SATB1: variants seen among roughly 807,000 people sequenced by gnomAD.
The protein encoded by SATB1 is DNA-binding protein SATB1.
In SATB1, 11 loss-of-function variants were observed where a neutral mutation model predicts 86.9. That is an observed-to-expected ratio of 0.13 (90% CI 0.08 to 0.21). The LOEUF (loss-of-function observed/expected upper bound fraction) is 0.21. Among genes scored for constraint, SATB1 ranks in the 10% least tolerant of loss-of-function variants. The pLI is 1.00. For synonymous variants in SATB1, 357 were observed against 357.2 expected, an observed-to-expected ratio of 1.00 and a Z score of 0.01; for missense variants, 551 against 937.6, an observed-to-expected ratio of 0.59 and a Z score of 5.39.
intron 9 of SATB1, among the ~76,000 whole-genome samples, chr3:18,363,275 A>C (rs1212938286): frequency 6.6e-6 from 1 of 152,176 alleles, no homozygotes; most frequent in Non-Finnish European, 1.5e-5. Flanking sequence ...TTTGCTGATA[A>C]AGTGTCCAAA....
At chr3:18,415,307 G>T (rs1350321748) in intron 4 of SATB1, 73 bp from the exon 5 acceptor site, 6 of 1,560,638 alleles carry the variant, frequency 3.8e-6, no homozygotes, top group Non-Finnish European at 5.3e-6. Flanking sequence ...CTTTAAGACA[G>T]ACAGATTTCA....
intron 9 of SATB1, among the ~76,000 whole-genome samples, chr3:18,370,555 A>G (rs1695429638): frequency 6.8e-6 from 1 of 147,316 alleles, no homozygotes; most frequent in Admixed American, 6.7e-5. Context: ...ACAAAAAAGA[A>G]AAAAGAAAAA....
chr3:18,445,495 G>A, intron 1 of SATB1: 1 of 985,374 alleles, frequency 1.0e-6, no homozygotes, highest in Non-Finnish European at 1.2e-6. Flanking sequence ...GGTTCTCGTC[G>A]CCCGCCAACC....
intron 5 of SATB1, among the ~76,000 whole-genome samples, chr3:18,413,983 A>G (rs1258987955): frequency 6.6e-6 from 1 of 152,102 alleles, no homozygotes; most frequent in Admixed American, 6.6e-5. Flanking sequence ...AATAATCTTC[A>G]TAAGCCTCAC....
At chr3:18,388,235 A>C (rs547768367) in intron 7 of SATB1, among the ~76,000 whole-genome samples, 4 of 152,268 alleles carry the variant, frequency 2.6e-5, no homozygotes, top group Non-Finnish European at 5.9e-5. Context: ...ACAGGCAGTC[A>C]ATCATCCAGC....
intron 7 of SATB1, among the ~76,000 whole-genome samples, chr3:18,387,597 T>A (rs534154474): frequency 2.6e-5 from 4 of 152,262 alleles, no homozygotes; most frequent in Non-Finnish European, 5.9e-5. Context: ...ATTGGAAAAT[T>A]TTCTGTTCAT....
intron 8 of SATB1, among the ~76,000 whole-genome samples, chr3:18,383,765 G>A (rs890657155): frequency 6.6e-6 from 1 of 152,054 alleles, no homozygotes; most frequent in African/African-American, 2.4e-5. Flanking sequence ...ACTAATTCAA[G>A]TGCTCTATAA....
chr3:18,374,501 G>A (rs1443245469), intron 9 of SATB1, among the ~76,000 whole-genome samples: 3 of 152,144 alleles, frequency 2.0e-5, no homozygotes, highest in Admixed American at 6.5e-5. Flanking sequence ...GTATTCATTT[G>A]TAGCTACTCA....
chr3:18,369,561 G>A (rs1695356576), intron 9 of SATB1, among the ~76,000 whole-genome samples: 1 of 152,070 alleles, frequency 6.6e-6, no homozygotes, highest in Non-Finnish European at 1.5e-5. Flanking sequence ...AGGGGGGCCT[G>A]AAATTTTAGT....
Position 18,386,129 on chromosome 3 carries a change from G to A in SATB1, c.1419+270C>T, listed in dbSNP as rs1696331151. On this transcript the variant is annotated intron_variant, in intron 8 of 10. Coordinates refer to ENST00000338745, the MANE Select transcript of SATB1 (RefSeq NM_002971.6). The surrounding 1 kb of genome is among the most constrained non-coding windows in gnomAD (Gnocchi z 4.5). ...TACTTTACTTAATAACAACAGTAGA[G>A]ACAAATATCCCATTTAAAGACTACT... is the stretch of plus-strand genomic sequence containing the variant. Among the ~76,000 whole-genome samples the A allele has an allele frequency of 1.3e-5, 2 of 152,010 alleles. No individual in the cohort carries two copies. Among genetic ancestry groups the A allele is most frequent in the East Asian group, 3.8e-4 (2 of 5,196 alleles).
At chr3:18,383,772 A>C (rs944869168) in intron 8 of SATB1, among the ~76,000 whole-genome samples, 3 of 152,192 alleles carry the variant, frequency 2.0e-5, no homozygotes, top group African/African-American at 7.2e-5. Context: ...CAAGTGCTCT[A>C]TAACGTGTTT....
At chr3:18,355,674 CA>C (rs1694596484) in intron 9 of SATB1, among the ~76,000 whole-genome samples, 1 of 151,730 alleles carries the variant, frequency 6.6e-6, no homozygotes, top group Non-Finnish European at 1.5e-5. Context: ...CAAAACAAAA[CA>C]AAACATAATT....
At chr3:18,361,298 G>T (rs1694895028) in intron 9 of SATB1, among the ~76,000 whole-genome samples, 1 of 152,048 alleles carries the variant, frequency 6.6e-6, no homozygotes, top group Admixed American at 6.6e-5. Flanking sequence ...ATAAAATGGG[G>T]TCTAATTTTA....
intron 9 of SATB1, among the ~76,000 whole-genome samples, chr3:18,367,040 T>A (rs1423674481): frequency 6.6e-6 from 1 of 152,162 alleles, no homozygotes; most frequent in Non-Finnish European, 1.5e-5. Context: ...AGATATAATA[T>A]GACCTAATCT....
chr3:18,394,816 G>T lies in SATB1; in HGVS notation c.852C>A (p.Ser284=). Residue 284 remains serine (S), a synonymous_variant, in exon 7 of 11, where the codon TCC becomes TCA. Coordinates refer to ENST00000338745, the MANE Select transcript of SATB1 (RefSeq NM_002971.6). The surrounding 1 kb of genome is among the most constrained non-coding windows in gnomAD (Gnocchi z 5.9). ...VPGNTAEQPP[S]PAQLSHGSQP... ...GGCTGCCATGGGAGAGCTGCGCAGGGGATGGAGGCTGCTCGGCTGTGTTCC... is the reference window on the plus strand; with the variant it reads ...GGCTGCCATGGGAGAGCTGCGCAGGTGATGGAGGCTGCTCGGCTGTGTTCC... 3 of 1,614,146 alleles carry T rather than the reference G, an allele frequency of 1.9e-6. No homozygotes were observed. The highest frequency in any genetic ancestry group is 2.5e-6 in the Non-Finnish European group (3 of 1,180,030).
chr3:18,419,704 A>G (rs1406711107), intron 2 of SATB1, among the ~76,000 whole-genome samples: 1 of 152,216 alleles, frequency 6.6e-6, no homozygotes, highest in Admixed American at 6.5e-5. Flanking sequence ...TAAGATGCAT[A>G]CATTCTTGGC....
intron 10 of SATB1, chr3:18,351,212 G>C: frequency 2.2e-6 from 2 of 905,316 alleles, no homozygotes; most frequent in Non-Finnish European, 3.5e-6. Flanking sequence ...ACCATGGTTA[G>C]TAGGGCCTTT....
intron 5 of SATB1, among the ~76,000 whole-genome samples, chr3:18,403,411 A>G (rs1200374756): frequency 3.9e-5 from 6 of 152,096 alleles, no homozygotes; most frequent in East Asian, 1.9e-4. Context: ...AGGAATCTGA[A>G]TATCTTTTTT....
intron 9 of SATB1, among the ~76,000 whole-genome samples, chr3:18,365,492 A>G (rs980165467): frequency 2.0e-5 from 3 of 152,082 alleles, no homozygotes; most frequent in African/African-American, 4.8e-5. Context: ...AATGCTAGGA[A>G]ACTAGCAGTG....
Sources: allele counts gnomAD v4.1 joint callset (sites outside exome capture counted in the v4.1 genomes callset), GRCh38; gene constraint gnomAD v4.1.1; non-coding constraint Gnocchi (gnomAD v3.1); transcripts MANE v1.5; gene names NCBI Gene and HGNC (gene_info 2026-07-23, HGNC 2026-07-21).